CSMD1: variants seen among roughly 807,000 people sequenced by gnomAD.
CSMD1 encodes CUB and sushi domain-containing protein 1.
CSMD1 carries 213 observed loss-of-function variants against 417.5 expected under a neutral mutation model. That is an observed-to-expected ratio of 0.51 (90% CI 0.46 to 0.57). CSMD1 has a LOEUF of 0.57. Among genes scored for constraint, CSMD1 ranks in the 20% least tolerant of loss-of-function variants. CSMD1 has a pLI of 0.00. For synonymous variants in CSMD1, 2,862 were observed against 1,736.8 expected, an observed-to-expected ratio of 1.65 and a Z score of -16.11; for missense variants, 6,923 against 4,529.7, an observed-to-expected ratio of 1.53 and a Z score of -15.17.
intron 1 of CSMD1, among the ~76,000 whole-genome samples, chr8:4,711,211 G>C (rs902685097): frequency 6.6e-6 from 1 of 150,390 alleles, no homozygotes; most frequent in East Asian, 1.9e-4. Context: ...AGGCAAATTT[G>C]AAGTAAAAAA....
At chr8:3,893,664 A>G (rs1807149903) in intron 5 of CSMD1, among the ~76,000 whole-genome samples, 1 of 151,906 alleles carries the variant, frequency 6.6e-6, no homozygotes, top group African/African-American at 2.4e-5. Context: ...TAGTCAAGGA[A>G]ATGGGCATGT....
intron 7 of CSMD1, among the ~76,000 whole-genome samples, chr8:3,626,713 T>C (rs1796508179): frequency 1.3e-5 from 2 of 151,158 alleles, no homozygotes; most frequent in Non-Finnish European, 3.0e-5. Flanking sequence ...TAAGTATGTA[T>C]TATGTAATTT....
At chr8:3,566,753 G>C (rs1330629779) in intron 10 of CSMD1, among the ~76,000 whole-genome samples, 4 of 152,282 alleles carry the variant, frequency 2.6e-5, no homozygotes, top group South Asian at 2.1e-4. Context: ...AGTTGGAATG[G>C]CTATTATTAA....
rs372543974 is a variant in CSMD1, at chr8:3,387,486, G to A, written c.2782+8C>T. On this transcript the variant is annotated splice_region_variant and intron_variant, in intron 18 of 69. Transcript: ENST00000635120. ...TGCTGGTGCATTGCCTCACTGAGCT[G>A]TACCTACCGTCGCAGCTGGGCAAGG... 8.2e-6 allele frequency: 13 copies of A among 1,591,422 alleles called. No individual in the cohort carries two copies. Among genetic ancestry groups the A allele is most frequent in the South Asian group, 8.0e-5 (7 of 87,280 alleles).
Position 4,578,025 on chromosome 8 carries a change from G to A in CSMD1, c.302+59317C>T, listed in dbSNP as rs148714057. ...ACATATTTGGTGGACCCAGGGCTCGGCTTTAGGACTGTGTACTCATTAATG... is the reference window on the plus strand; with the variant it reads ...ACATATTTGGTGGACCCAGGGCTCGACTTTAGGACTGTGTACTCATTAATG... On this transcript the variant is annotated intron_variant, in intron 2 of 69. Transcript: ENST00000635120. 1.2e-3 allele frequency among the ~76,000 whole-genome samples: 185 copies of A among 152,268 alleles called. 1 individual carries two copies. Among genetic ancestry groups the A allele is most frequent in the African/African-American group, 4.2e-3 (174 of 41,540 alleles).
At chr8:3,837,133 A>T (rs1217587843) in intron 5 of CSMD1, among the ~76,000 whole-genome samples, 1 of 143,786 alleles carries the variant, frequency 7.0e-6, no homozygotes, top group Non-Finnish European at 1.5e-5. Flanking sequence ...GCAAAAATTG[A>T]AAGTGTAGTC....
intron 3 of CSMD1, among the ~76,000 whole-genome samples, chr8:4,287,987 G>C (rs566505308): frequency 1.6e-4 from 25 of 152,018 alleles, no homozygotes; most frequent in Non-Finnish European, 2.9e-4. Context: ...ATAAAATTAA[G>C]GTTTGATTTA....
chr8:3,106,571 G>C lies in CSMD1; in HGVS notation c.6906C>G (p.Leu2302=), dbSNP rs749700896. The C allele has an allele frequency of 1.8e-5, 29 of 1,613,762 alleles. No individual in the cohort carries two copies. The highest frequency in any genetic ancestry group is 2.3e-5 in the Non-Finnish European group (27 of 1,179,836). The part of the protein sequence containing the change: ...LVGTDILTCK[L]SSQLQFEGSL... The stretch of plus-strand genomic sequence containing the variant: ...AACCCTCAAACTGCAACTGGGAACT[G>C]AGCTTGCAAGTCAGAATGTCGGTCC... The change falls in exon 46 of 70, where the codon CTC becomes CTG. Residue 2302 remains leucine, a synonymous_variant. Transcript: ENST00000635120.
chr8:3,522,979 T>C (rs1231701589), intron 10 of CSMD1, among the ~76,000 whole-genome samples: 1 of 149,190 alleles, frequency 6.7e-6, no homozygotes, highest in Non-Finnish European at 1.5e-5. Flanking sequence ...ATCTATTTTA[T>C]ATACATACAA....
intron 5 of CSMD1, among the ~76,000 whole-genome samples, chr8:3,781,317 T>C (rs1037140698): frequency 6.6e-6 from 1 of 152,180 alleles, no homozygotes; most frequent in Non-Finnish European, 1.5e-5. Context: ...TACATGTCTT[T>C]GTTCTTTTCA....
chr8:3,364,376 A>C (rs1809410006), intron 20 of CSMD1, among the ~76,000 whole-genome samples: 1 of 152,144 alleles, frequency 6.6e-6, no homozygotes, highest in African/African-American at 2.4e-5. Flanking sequence ...TGCAGGCTTT[A>C]GGTATTATTT....
At chr8:3,623,228 T>C (rs1435621182) in intron 7 of CSMD1, among the ~76,000 whole-genome samples, 2 of 152,240 alleles carry the variant, frequency 1.3e-5, no homozygotes, top group Admixed American at 1.3e-4. Flanking sequence ...TGTTGATTTA[T>C]AATACCTCAT....
chr8:3,987,813 A>C (rs144716563), intron 5 of CSMD1, among the ~76,000 whole-genome samples: 11 of 152,296 alleles, frequency 7.2e-5, no homozygotes, highest in African/African-American at 1.2e-4. Flanking sequence ...CCTTATCCAA[A>C]CCCATAGTTC....
chr8:4,455,041 C>T (rs886118170), intron 2 of CSMD1, among the ~76,000 whole-genome samples: 1 of 150,522 alleles, frequency 6.6e-6, no homozygotes, highest in African/African-American at 2.5e-5. Context: ...GTCATCAACA[C>T]AATATCACCA....
rs1334237843 is a variant in CSMD1 at position 4,568,338 on chromosome 8, T to C, written c.302+69004A>G. ...GTGTCCCTGTGTCCCTGTGTTCTCATTGTTCCATTCCCACTTATGACTGAG... is the reference window on the plus strand; with the variant it reads ...GTGTCCCTGTGTCCCTGTGTTCTCACTGTTCCATTCCCACTTATGACTGAG... On this transcript the variant is annotated intron_variant, in intron 2 of 69. Coordinates refer to ENST00000635120, the MANE Select transcript of CSMD1 (RefSeq NM_033225.6). Among the ~76,000 whole-genome samples, 12 of 152,168 alleles carry C rather than the reference T, an allele frequency of 7.9e-5. 1 individual carries two copies. Among genetic ancestry groups the C allele is most frequent in the Admixed American group, 1.3e-4 (2 of 15,270 alleles).
At chr8:3,313,436 C>T (rs1446345558) in intron 23 of CSMD1, among the ~76,000 whole-genome samples, 5 of 152,130 alleles carry the variant, frequency 3.3e-5, no homozygotes, top group Non-Finnish European at 5.9e-5. Flanking sequence ...ACAACCCCAT[C>T]AAAAAGTGGG....
intron 1 of CSMD1, among the ~76,000 whole-genome samples, chr8:4,865,325 A>T (rs1802365301): frequency 6.6e-6 from 1 of 151,864 alleles, no homozygotes; most frequent in Admixed American, 6.6e-5. Flanking sequence ...CTCATTAAGA[A>T]TCTCGTAACT....
At chr8:3,641,567 C>T (rs895050085) in intron 7 of CSMD1, among the ~76,000 whole-genome samples, 46 of 152,144 alleles carry the variant, frequency 3.0e-4, no homozygotes, top group African/African-American at 1.0e-3. Flanking sequence ...TCAGAACATC[C>T]TTTCAGAAAT....
intron 3 of CSMD1, among the ~76,000 whole-genome samples, chr8:4,119,996 G>A (rs1487524158): frequency 2.6e-5 from 4 of 152,094 alleles, no homozygotes; most frequent in Non-Finnish European, 5.9e-5. Flanking sequence ...GTATTTGATA[G>A]CACAATAGGG....
Sources: allele counts gnomAD v4.1 joint callset (sites outside exome capture counted in the v4.1 genomes callset), GRCh38; gene constraint gnomAD v4.1.1; transcripts MANE v1.5; gene names NCBI Gene and HGNC (gene_info 2026-07-23, HGNC 2026-07-21).